Variants in CCDC180 observed in about 807,000 individuals in gnomAD.
CCDC180 encodes the protein coiled-coil domain-containing protein 180.
A neutral mutation model predicts 209.2 loss-of-function variants in CCDC180; 154 were observed. That is an observed-to-expected ratio of 0.74 (90% confidence interval 0.65 to 0.84). CCDC180 has a LOEUF of 0.84. Ranked by LOEUF, CCDC180 falls within the 40% of genes least tolerant of loss-of-function variation. The probability of loss-of-function intolerance (pLI) is 0.00; values close to 1 mark genes in which losing one functional copy is unlikely to be tolerated. For missense variants in CCDC180, 1,874 were observed against 1,997.3 expected, an observed-to-expected ratio of 0.94 and a Z score of 1.18; for synonymous variants, 778 against 749.1, an observed-to-expected ratio of 1.04 and a Z score of -0.63.
chr9:97,312,112 G>A lies in CCDC180; in HGVS notation c.261-1G>A, dbSNP rs1833006288. Reference sequence around the variant, plus strand: ...TTCACTCTTCTCTGCTTGTGTCTCAGGGAAAAGGAAAGAGCCAAGAGGGAA... The same window carrying A: ...TTCACTCTTCTCTGCTTGTGTCTCAAGGAAAAGGAAAGAGCCAAGAGGGAA... On this transcript the variant is annotated splice_acceptor_variant, in intron 3 of 36. Coordinates refer to ENST00000529487, the MANE Select transcript of CCDC180 (RefSeq NM_020893.6). LOFTEE classifies it high-confidence loss of function. 1.9e-6 allele frequency: 3 copies of A among 1,613,810 alleles called. No homozygotes were observed. The highest frequency in any genetic ancestry group is 4.5e-5 in the East Asian group (2 of 44,872).
At chr9:97,339,048 G>A (rs1431916688) in intron 18 of CCDC180, among the ~76,000 whole-genome samples, 2 of 151,972 alleles carry the variant, frequency 1.3e-5, no homozygotes, top group African/African-American at 2.4e-5. Context: ...GAGCCTATGT[G>A]TGTCTCTGCA....
Position 97,359,987 on chromosome 9 carries a change from G to T in CCDC180, c.3369G>T (p.Val1123=). ...TTCCTCCCTTTTCTCACCAGACAGT[G>T]ACCACAGAAGAACTCCTCAGCTTCG... ...CQESRGEKTT[V]TTEELLSFVQ... The change falls in exon 26 of 37, where the codon GTG becomes GTT. Residue 1123 remains valine (V), a synonymous_variant. Transcript: ENST00000529487. 2 of 1,613,640 alleles carry T rather than the reference G, an allele frequency of 1.2e-6. No individual in the cohort carries two copies. The highest frequency in any genetic ancestry group is 2.2e-5 in the South Asian group (2 of 90,970).
chr9:97,371,243 C>G (rs1271392035), intron 33 of CCDC180: 2 of 172,846 alleles, frequency 1.2e-5, no homozygotes, highest in Non-Finnish European at 2.5e-5. Flanking sequence ...GGATTACAGG[C>G]GTGAGCCACC....
intron 9 of CCDC180, among the ~76,000 whole-genome samples, chr9:97,317,736 T>C (rs1391440271): frequency 6.6e-6 from 1 of 152,074 alleles, no homozygotes; most frequent in Non-Finnish European, 1.5e-5. Flanking sequence ...AAGTGTCACT[T>C]TTGCTGTGGA....
At chr9:97,348,825 C>T (rs371316800) in intron 20 of CCDC180, among the ~76,000 whole-genome samples, 2 of 152,232 alleles carry the variant, frequency 1.3e-5, no homozygotes, top group Non-Finnish European at 2.9e-5. Context: ...CCCTGCCCAT[C>T]CTGCCTGCTA....
Position 97,325,202 on chromosome 9 carries a change from A to C in CCDC180, c.1545+10A>C, listed in dbSNP as rs755186276. 15 of 1,579,150 alleles carry C rather than the reference A, an allele frequency of 9.5e-6. No individual in the cohort carries two copies. Among genetic ancestry groups the C allele is most frequent in the Non-Finnish European group, 1.3e-5 (15 of 1,161,766 alleles). ...CAGCCTGGAGAGCCAGGTGAGACCC[A>C]CACCCGGGGCTCCATGTTTCACACC... On this transcript the variant is annotated intron_variant, in intron 14 of 36. Coordinates refer to ENST00000529487, the MANE Select transcript of CCDC180 (RefSeq NM_020893.6).
chr9:97,317,271 G>A, intron 9 of CCDC180, 43 bp downstream of exon 9: 2 of 1,473,212 alleles, frequency 1.4e-6, no homozygotes, highest in South Asian at 1.4e-5. Flanking sequence ...CCACCAGGGG[G>A]GCTGGCAAAG....
chr9:97,327,072 G>C (rs1422354856), intron 15 of CCDC180, among the ~76,000 whole-genome samples: 1 of 152,170 alleles, frequency 6.6e-6, no homozygotes, highest in East Asian at 1.9e-4. Context: ...AGGAGGCTGA[G>C]GCAGGAGAAT....
chr9:97,364,381 C>T (rs1385496396), intron 29 of CCDC180: 2 of 442,820 alleles, frequency 4.5e-6, no homozygotes, highest in African/African-American at 4.1e-5. Flanking sequence ...GGCAGGAGAC[C>T]CCATTCGAGG....
rs1277781755 is a variant in CCDC180, at chr9:97,313,293, G to C, written c.407G>C (p.Ser136Thr). The C allele has an allele frequency of 1.2e-6, 2 of 1,612,732 alleles. No individual in the cohort carries two copies. Among genetic ancestry groups the C allele is most frequent in the Non-Finnish European group, 1.7e-6 (2 of 1,179,132 alleles). Reference protein sequence around the residue: ...FQRQAEHKRKSYESALASFQE... With the variant: ...FQRQAEHKRKTYESALASFQE... ...AGGCAAGCAGAACACAAGAGGAAGA[G>C]CTACGAGAGCGCTCTGGCCAGCTTT... Residue 136 changes from serine to threonine, a missense_variant, in exon 5 of 37, where the codon AGC (serine) becomes ACC (threonine). Physicochemically the swap from Ser to Thr is moderately conservative, Grantham distance 58. Transcript: ENST00000529487.
chr9:97,324,943 G>A, intron 13 of CCDC180, 76 bp from the exon 14 acceptor site: 2 of 1,391,212 alleles, frequency 1.4e-6, no homozygotes, highest in Non-Finnish European at 2.0e-6. Context: ...GAGACAGGGG[G>A]TCCCACAGGT....
At chr9:97,373,583 C>T (rs1168608563) in intron 34 of CCDC180, 1 of 152,244 alleles carries the variant, frequency 6.6e-6, no homozygotes, top group African/African-American at 2.4e-5. Flanking sequence ...CAACACTCCT[C>T]CTCTTCAGCA....
chr9:97,331,041 T>C (rs879848785), intron 18 of CCDC180, among the ~76,000 whole-genome samples: 1 of 149,512 alleles, frequency 6.7e-6, no homozygotes, highest in African/African-American at 2.5e-5. Flanking sequence ...TAGTACCCAA[T>C]AGTTGTTGTT....
Position 97,317,073 on chromosome 9 carries a change from C to T in CCDC180, c.804C>T (p.Asn268=), listed in dbSNP as rs970857. ...CCCATCTGTGACCACAGGTCATGAA[C>T]TATGCCCTGCTGGGCAACCGGAAGG... ...RLINEEAMVM[N]YALLGNRKAL... is the part of the protein sequence containing the mutation. Residue 268 remains asparagine (N), a synonymous_variant, in exon 9 of 37, where the codon AAC becomes AAT. Transcript: ENST00000529487. 7.4e-3 allele frequency: 11,976 copies of T among 1,611,732 alleles called. 685 individuals carry two copies. The African/African-American group carries it at 0.14, about 18-fold the overall frequency.
At chr9:97,361,696 C>G (rs772352150) in intron 26 of CCDC180, 30 bp from the exon 27 acceptor site, 1 of 1,609,908 alleles carries the variant, frequency 6.2e-7, no homozygotes, top group Admixed American at 1.7e-5. Context: ...CTGGTCCTTA[C>G]ACCCTCAGGC....
intron 31 of CCDC180, among the ~76,000 whole-genome samples, chr9:97,367,767 C>T (rs543589447): frequency 1.3e-5 from 2 of 152,150 alleles, no homozygotes; most frequent in Non-Finnish European, 2.9e-5. Flanking sequence ...AGCCACTGCG[C>T]CCAGCCAGAG....
At chr9:97,333,883 TG>T (rs1825825688) in intron 18 of CCDC180, among the ~76,000 whole-genome samples, 2 of 151,854 alleles carry the variant, frequency 1.3e-5, no homozygotes, top group African/African-American at 4.8e-5. Context: ...TGCAGAGGTG[TG>T]ATCTCAGCTC....
At chr9:97,322,994 C>T in intron 12 of CCDC180, 73 bp downstream of exon 12, 1 of 1,178,894 alleles carries the variant, frequency 8.5e-7, no homozygotes, top group Non-Finnish European at 1.2e-6. Flanking sequence ...TGGCCCCATA[C>T]CCACTGCCTT....
chr9:97,308,880 C>T lies in CCDC180; in HGVS notation c.70-534C>T, dbSNP rs113045795. 1.2e-3 allele frequency among the ~76,000 whole-genome samples: 181 copies of T among 152,286 alleles called. 1 individual carries two copies. The highest frequency in any genetic ancestry group is 4.2e-3 in the African/African-American group (175 of 41,542). ...CATTCTTAACTCATGGCATACTTCC[C>T]CCAGGGCCTTTTCCTATGCGTTTTA... On this transcript the variant is annotated intron_variant, in intron 2 of 36. Transcript: ENST00000529487.
Sources: gnomAD v4.1 joint callset for allele counts (sites outside exome capture counted in the v4.1 genomes callset) on GRCh38, gnomAD v4.1.1 for gene constraint, MANE v1.5 for transcripts, NCBI Gene and HGNC (gene_info 2026-07-23, HGNC 2026-07-21) for gene names.